PTPRM: variants seen among roughly 807,000 people sequenced by gnomAD.
PTPRM encodes the protein receptor-type tyrosine-protein phosphatase mu.
PTPRM carries 47 observed loss-of-function variants against 186.7 expected under a neutral mutation model. The observed-to-expected ratio is 0.25, with a 90% CI of 0.20 to 0.32. PTPRM has a LOEUF of 0.32. Among genes scored for constraint, PTPRM ranks in the 10% least tolerant of loss-of-function variants. The probability of loss-of-function intolerance (pLI) is 1.00; values close to 1 mark genes in which losing one functional copy is unlikely to be tolerated. For missense variants in PTPRM, 1,494 were observed against 1,865.0 expected, an observed-to-expected ratio of 0.80 and a Z score of 3.66; for synonymous variants, 668 against 674.9, an observed-to-expected ratio of 0.99 and a Z score of 0.16.
intron 14 of PTPRM, among the ~76,000 whole-genome samples, chr18:8,240,838 GAAA>G (rs1568585442): frequency 6.5e-5 from 6 of 92,182 alleles, no homozygotes; most frequent in African/African-American, 3.2e-4. Context: ...AAGAAAGAAA[GAAA>G]GAAAAGAAAG....
chr18:8,348,257 T>C (rs996588308), intron 23 of PTPRM, among the ~76,000 whole-genome samples: 4 of 152,260 alleles, frequency 2.6e-5, no homozygotes, highest in African/African-American at 9.6e-5. Flanking sequence ...GGGGACCTGC[T>C]TCCCCCCATT....
At chr18:8,132,719 C>T (rs1200452428) in intron 13 of PTPRM, among the ~76,000 whole-genome samples, 1 of 152,170 alleles carries the variant, frequency 6.6e-6, no homozygotes, top group African/African-American at 2.4e-5. Flanking sequence ...GACAGATACT[C>T]ACTTTGTGTC....
intron 14 of PTPRM, among the ~76,000 whole-genome samples, chr18:8,206,868 G>T (rs73391950): frequency 0.035 from 5,291 of 152,154 alleles, 303 homozygotes; most frequent in African/African-American, 0.12. Context: ...GGTGGAAATT[G>T]AGACACAGGG....
At chr18:7,845,823 G>T (rs1261390378) in intron 2 of PTPRM, among the ~76,000 whole-genome samples, 1 of 152,060 alleles carries the variant, frequency 6.6e-6, no homozygotes, top group African/African-American at 2.4e-5. Flanking sequence ...CAACTCCAAG[G>T]TGCAGATTAG....
intron 14 of PTPRM, among the ~76,000 whole-genome samples, chr18:8,156,482 G>A (rs1007053149): frequency 7.9e-5 from 12 of 152,104 alleles, no homozygotes; most frequent in African/African-American, 2.4e-5. Context: ...TACTGCATAG[G>A]GGATGCGGTA....
chr18:7,678,939 G>A (rs1315257403), intron 1 of PTPRM, among the ~76,000 whole-genome samples: 2 of 152,168 alleles, frequency 1.3e-5, no homozygotes, highest in Non-Finnish European at 2.9e-5. Flanking sequence ...AAGTGAATGT[G>A]CGTTTTTAAA....
chr18:7,598,981 T>C (rs995933448), intron 1 of PTPRM, among the ~76,000 whole-genome samples: 3 of 152,106 alleles, frequency 2.0e-5, no homozygotes, highest in Admixed American at 6.5e-5. Context: ...TTAGACTAAA[T>C]AAAGATATTT....
At chr18:7,618,706 C>T (rs1405738259) in intron 1 of PTPRM, among the ~76,000 whole-genome samples, 1 of 152,142 alleles carries the variant, frequency 6.6e-6, no homozygotes, top group Admixed American at 6.5e-5. Context: ...TCACCCCAAA[C>T]CCCCGTGACA....
At chr18:7,879,361 T>C (rs895948928) in intron 2 of PTPRM, among the ~76,000 whole-genome samples, 1 of 152,234 alleles carries the variant, frequency 6.6e-6, no homozygotes, top group African/African-American at 2.4e-5. Flanking sequence ...TCTGATTTGC[T>C]AATTCTGTGA....
intron 1 of PTPRM, among the ~76,000 whole-genome samples, chr18:7,572,465 G>GT (rs1271543660): frequency 9.2e-5 from 14 of 152,142 alleles, no homozygotes; most frequent in Admixed American, 3.3e-4. Flanking sequence ...TCTAAGGATT[G>GT]TAATATATTC....
At chr18:8,251,329 A>G (rs2094526487) in intron 17 of PTPRM, among the ~76,000 whole-genome samples, 1 of 152,322 alleles carries the variant, frequency 6.6e-6, no homozygotes, top group Non-Finnish European at 1.5e-5. Context: ...AGAGGCACAG[A>G]GGGGAAACTA....
Position 7,613,485 on chromosome 18 carries a change from C to G in PTPRM, c.73+45594C>G, listed in dbSNP as rs927829305. 3.3e-4 allele frequency among the ~76,000 whole-genome samples: 50 copies of G among 152,028 alleles called. 1 individual carries two copies. The highest frequency in any genetic ancestry group is 5.3e-4 in the Non-Finnish European group (36 of 67,986). The stretch of plus-strand genomic sequence containing the variant: ...GTCAGGAGATCAAGACCATCCTGGC[C>G]AAAATGCTGAAACCTGATCTCTACT... On this transcript the variant is annotated intron_variant, in intron 1 of 32. Transcript: ENST00000580170.
chr18:8,109,895 G>A (rs1291550946), intron 11 of PTPRM, among the ~76,000 whole-genome samples: 1 of 152,104 alleles, frequency 6.6e-6, no homozygotes, highest in African/African-American at 2.4e-5. Context: ...ATTTAATTGT[G>A]GGTTATCCAG....
intron 32 of PTPRM, chr18:8,404,281 T>C (rs1431189760): frequency 6.6e-6 from 1 of 152,224 alleles, no homozygotes; most frequent in Non-Finnish European, 1.5e-5. Context: ...CATGGCACCG[T>C]CAGTGATTGA....
chr18:8,039,230 G>C (rs1005066984), intron 7 of PTPRM, among the ~76,000 whole-genome samples: 1 of 151,928 alleles, frequency 6.6e-6, no homozygotes. Flanking sequence ...AGAAAATGAA[G>C]CTTCATAAAA....
chr18:7,758,015 C>T lies in PTPRM; in HGVS notation c.74-16134C>T, dbSNP rs186965765. The stretch of plus-strand genomic sequence containing the variant: ...TGCCCATCAACCAGTGGCATAATCA[C>T]GGGGGACACATCCTAAAATTCAGAG... On this transcript the variant is annotated intron_variant, in intron 1 of 32. Coordinates refer to ENST00000580170, the MANE Select transcript of PTPRM (RefSeq NM_001105244.2). Among the ~76,000 whole-genome samples, 13 of 152,174 alleles carry T rather than the reference C, an allele frequency of 8.5e-5. No individual in the cohort carries two copies. The South Asian group carries it at 2.1e-3, about 24-fold the overall frequency.
chr18:7,881,651 C>T (rs947518660), intron 2 of PTPRM, among the ~76,000 whole-genome samples: 1 of 152,168 alleles, frequency 6.6e-6, no homozygotes, highest in African/African-American at 2.4e-5. Flanking sequence ...TTAATTAGAT[C>T]AAGTTCATGG....
chr18:8,250,220 G>T (rs1048309677), intron 17 of PTPRM, among the ~76,000 whole-genome samples: 3 of 152,078 alleles, frequency 2.0e-5, no homozygotes, highest in Admixed American at 6.6e-5. Context: ...TTGCAAAAAT[G>T]TAGATGATTA....
At chr18:8,380,536 G>A (rs968913559) in intron 29 of PTPRM, 109 bp downstream of exon 29, 13 of 1,328,010 alleles carry the variant, frequency 9.8e-6, no homozygotes, top group East Asian at 4.6e-5. Flanking sequence ...CAGATCTCAA[G>A]TGCCAGTTGA....
Sources: gnomAD v4.1 joint callset for allele counts (sites outside exome capture counted in the v4.1 genomes callset) on GRCh38, gnomAD v4.1.1 for gene constraint, MANE v1.5 for transcripts, NCBI Gene and HGNC (gene_info 2026-07-23, HGNC 2026-07-21) for gene names.